Variants in PCDHGA3 observed in about 807,000 individuals in gnomAD.
PCDHGA3 encodes the protein protocadherin gamma-A3.
A neutral mutation model predicts 58.5 loss-of-function variants in PCDHGA3; 40 were observed. That is an observed-to-expected ratio of 0.68 (90% CI 0.53 to 0.89). The LOEUF is 0.89. Ranked by LOEUF, PCDHGA3 falls within the 40% of genes least tolerant of loss-of-function variation. The pLI is 0.00. For synonymous variants in PCDHGA3, 530 were observed against 525.7 expected (o/e 1.01, Z -0.11); for missense variants, 1,223 against 1,195.9 (o/e 1.02, Z -0.33).
At chr5:141,357,850 C>T (rs904874915) in intron 1 of PCDHGA3, 3 of 608,650 alleles carry the variant, frequency 4.9e-6, no homozygotes, top group Admixed American at 3.4e-5. Flanking sequence ...TAGTTTCAGC[C>T]AGAATTTTCT....
At chr5:141,374,794 C>G (rs369215509) in intron 1 of PCDHGA3, 6 of 1,613,916 alleles carry the variant, frequency 3.7e-6, no homozygotes, top group Non-Finnish European at 5.1e-6. Flanking sequence ...ATGTGAATGA[C>G]AACACTCCAA....
rs1265422100 is a variant in PCDHGA3 at position 141,490,199 on chromosome 5, C to A, written c.2425-4608C>A. On this transcript the variant is annotated intron_variant, in intron 1 of 3. Transcript: ENST00000253812. This position sits in a 1 kb window ranked among gnomAD's most constrained non-coding sequence, Gnocchi z 5.4. The stretch of plus-strand genomic sequence containing the variant: ...GAGTCACGTTTCTATGAAATTCATG[C>A]AAGAGCCCGTGACCAGGGACAGCCT... The A allele has an allele frequency of 1.9e-6, 3 of 1,614,184 alleles. No homozygotes were observed. The highest frequency in any genetic ancestry group is 2.5e-6 in the Non-Finnish European group (3 of 1,180,024).
intron 1 of PCDHGA3, chr5:141,375,488 G>C (rs948208439): frequency 6.2e-7 from 1 of 1,613,976 alleles, no homozygotes; most frequent in Non-Finnish European, 8.5e-7. Context: ...CCCCAGGGGT[G>C]CCTCCATCTT....
chr5:141,508,741 C>G (rs2099871426), intron 3 of PCDHGA3, among the ~76,000 whole-genome samples: 1 of 152,042 alleles, frequency 6.6e-6, no homozygotes, highest in Non-Finnish European at 1.5e-5. Context: ...ACCCCCCACC[C>G]CGCTCTTTCT....
intron 1 of PCDHGA3, among the ~76,000 whole-genome samples, chr5:141,483,618 C>T (rs1441906179): frequency 6.6e-6 from 1 of 151,536 alleles, no homozygotes; most frequent in Non-Finnish European, 1.5e-5. Flanking sequence ...TCCATCATTC[C>T]CATGGGAGAA....
In PCDHGA3 at chr5:141,432,498, G is replaced by A. The variant is rs766191511; in HGVS notation, c.2425-62309G>A. Reference sequence around the variant, plus strand: ...TCCACTGGCGTGGAGCTGGCTCCCCGCTCCGCAGAGCCCGGCTACCTGGTG... The same window carrying A: ...TCCACTGGCGTGGAGCTGGCTCCCCACTCCGCAGAGCCCGGCTACCTGGTG... On this transcript the variant is annotated intron_variant, in intron 1 of 3. Coordinates refer to ENST00000253812, the MANE Select transcript of PCDHGA3 (RefSeq NM_018916.4). This position sits in a 1 kb window ranked among gnomAD's most constrained non-coding sequence, Gnocchi z 6.0. The A allele has an allele frequency of 1.9e-6, 3 of 1,614,106 alleles. No homozygotes were observed. The highest frequency in any genetic ancestry group is 2.5e-6 in the Non-Finnish European group (3 of 1,180,052).
At chr5:141,456,615 A>G (rs561978043) in intron 1 of PCDHGA3, among the ~76,000 whole-genome samples, 3 of 152,318 alleles carry the variant, frequency 2.0e-5, no homozygotes, top group East Asian at 3.9e-4. Flanking sequence ...AAGTCCCTGT[A>G]GATTTGCCTC....
Position 141,447,179 on chromosome 5 carries a change from G to A in PCDHGA3, c.2425-47628G>A, listed in dbSNP as rs558348683. ...GTTTAAGCGGGGTCTTGCTCTTGTC[G>A]CGCAGGCTGGAGTGCAATGGCTTGA... On this transcript the variant is annotated intron_variant, in intron 1 of 3. Transcript: ENST00000253812. 4.6e-4 allele frequency among the ~76,000 whole-genome samples: 70 copies of A among 151,826 alleles called. 1 individual carries two copies. The highest frequency in any genetic ancestry group is 3.9e-4 in the East Asian group (2 of 5,158).
chr5:141,404,917 G>T (rs750464541), intron 1 of PCDHGA3: 6 of 1,613,652 alleles, frequency 3.7e-6, no homozygotes, highest in East Asian at 2.2e-5. Flanking sequence ...CCCCTCTCTC[G>T]GCCACTGTCA....
intron 1 of PCDHGA3, chr5:141,361,092 C>T (rs377144808): frequency 6.2e-7 from 1 of 1,613,938 alleles, no homozygotes; most frequent in Non-Finnish European, 8.5e-7. Flanking sequence ...CTCTGAGTAT[C>T]GAAGCAAAAG....
intron 1 of PCDHGA3, chr5:141,419,462 C>T: frequency 6.2e-7 from 1 of 1,612,582 alleles, no homozygotes. Flanking sequence ...GCTGCAGGCC[C>T]GCGACCAGGG....
chr5:141,376,169 G>A (rs779538880), intron 1 of PCDHGA3: 6 of 1,614,106 alleles, frequency 3.7e-6, no homozygotes, highest in African/African-American at 2.7e-5. Context: ...CCTGGTGGTG[G>A]CGGTGGCCGC....
chr5:141,431,513 C>G lies in PCDHGA3; in HGVS notation c.2425-63294C>G. ...TCAGCCCGAGTACCGCGCGAGCGTT[C>G]CGGAGAATCTGGCCTTGGGCACGCA... On this transcript the variant is annotated intron_variant, in intron 1 of 3. Transcript: ENST00000253812. The surrounding 1 kb of genome is among the most constrained non-coding windows in gnomAD (Gnocchi z 4.8). 6.2e-7 allele frequency: 1 copy of G among 1,614,022 alleles called. No homozygotes were observed. Among genetic ancestry groups the G allele is most frequent in the South Asian group, 1.1e-5 (1 of 91,088 alleles).
At chr5:141,428,082 G>C (rs776612130) in intron 1 of PCDHGA3, 2 of 1,609,030 alleles carry the variant, frequency 1.2e-6, no homozygotes, top group Non-Finnish European at 8.5e-7. Flanking sequence ...GGGACACAAC[G>C]CTTGGCTGTC....
At chr5:141,398,949 C>G in intron 1 of PCDHGA3, 1 of 1,613,948 alleles carries the variant, frequency 6.2e-7, no homozygotes, top group Non-Finnish European at 8.5e-7. Context: ...AGGGCATCAA[C>G]TCAGAAATTA....
chr5:141,397,841 C>A (rs996938995), intron 1 of PCDHGA3: 31 of 520,424 alleles, frequency 6.0e-5, no homozygotes, highest in Middle Eastern at 4.9e-4. Context: ...AACTTGAAGC[C>A]GCAGAGGCTG....
Position 141,491,713 on chromosome 5 carries a change from G to T in PCDHGA3, c.2425-3094G>T. The T allele has an allele frequency of 6.2e-7, 1 of 1,609,174 alleles. No individual in the cohort carries two copies. The highest frequency in any genetic ancestry group is 8.5e-7 in the Non-Finnish European group (1 of 1,178,054). On this transcript the variant is annotated intron_variant, in intron 1 of 3. Transcript: ENST00000253812. The surrounding 1 kb of genome is among the most constrained non-coding windows in gnomAD (Gnocchi z 6.9). ...GGAGCGGAGCCAGGTGAGGGGCTCG[G>T]CGCCGCCCCGGGCGACCCCTGGGGG...
At chr5:141,438,591 C>CATATATATAT (rs946798767) in intron 1 of PCDHGA3, among the ~76,000 whole-genome samples, 17 of 75,552 alleles carry the variant, frequency 2.3e-4, no homozygotes, top group Non-Finnish European at 3.8e-4. Context: ...TACATACATA[C>CATATATATAT]ATATATATAT....
chr5:141,439,443 G>A (rs867907022), intron 1 of PCDHGA3, among the ~76,000 whole-genome samples: 1 of 152,164 alleles, frequency 6.6e-6, no homozygotes, highest in Non-Finnish European at 1.5e-5. Flanking sequence ...ATATTTTATT[G>A]CGGGAGCAAG....
Sources: gnomAD v4.1 joint callset for allele counts (sites outside exome capture counted in the v4.1 genomes callset) on GRCh38, gnomAD v4.1.1 for gene constraint, Gnocchi (gnomAD v3.1) non-coding constraint, MANE v1.5 for transcripts, NCBI Gene and HGNC (gene_info 2026-07-23, HGNC 2026-07-21) for gene names.